The following CSMD1 variants were observed in gnomAD, a reference collection of about 807,000 sequenced individuals.
CSMD1 encodes CUB and Sushi multiple domains 1, also known as CUB and sushi domain-containing protein 1.
CSMD1 carries 213 observed loss-of-function variants against 417.5 expected under a neutral mutation model. That is an observed-to-expected ratio of 0.51 (90% CI 0.46 to 0.57). CSMD1 has a LOEUF of 0.57. CSMD1 is among the 20% of genes least tolerant of loss of function. CSMD1 has a pLI of 0.00. For synonymous variants in CSMD1, 2,862 were observed against 1,736.8 expected (o/e 1.65, Z -16.11); for missense variants, 6,923 against 4,529.7 (o/e 1.53, Z -15.17).
chr8:4,787,766 T>A (rs1392519339), intron 1 of CSMD1: 2 of 1,582,494 alleles, frequency 1.3e-6, no homozygotes, highest in South Asian at 1.1e-5. Flanking sequence ...AAATTTTGCT[T>A]CGCTGGACTT....
chr8:4,451,461 G>C (rs114112455), intron 2 of CSMD1, among the ~76,000 whole-genome samples: 182 of 152,230 alleles, frequency 1.2e-3, no homozygotes, highest in African/African-American at 4.0e-3. Flanking sequence ...CTCTCATCAA[G>C]TCCCACTCTC....
At chr8:3,992,644 A>G (rs1293515137) in intron 5 of CSMD1, among the ~76,000 whole-genome samples, 1 of 152,140 alleles carries the variant, frequency 6.6e-6, no homozygotes. Flanking sequence ...AAAATTAGCC[A>G]GGGTTCTGCA....
intron 1 of CSMD1, among the ~76,000 whole-genome samples, chr8:4,694,198 G>T (rs1337777417): frequency 2.0e-5 from 3 of 152,142 alleles, no homozygotes; most frequent in Non-Finnish European, 4.4e-5. Flanking sequence ...TGAAATAAAT[G>T]CGTATCTGAT....
At chr8:3,959,732 C>T (rs746172439) in intron 5 of CSMD1, among the ~76,000 whole-genome samples, 1 of 152,144 alleles carries the variant, frequency 6.6e-6, no homozygotes, top group Admixed American at 6.6e-5. Context: ...TTTGAAACTG[C>T]AGCGGGAACA....
At chr8:3,845,808 T>G (rs887567630) in intron 5 of CSMD1, among the ~76,000 whole-genome samples, 8 of 152,162 alleles carry the variant, frequency 5.3e-5, no homozygotes, top group African/African-American at 1.9e-4. Flanking sequence ...TATATTTTTA[T>G]TCTATGTGCT....
At chr8:3,933,939 G>A (rs1454783816) in intron 5 of CSMD1, among the ~76,000 whole-genome samples, 1 of 152,038 alleles carries the variant, frequency 6.6e-6, no homozygotes, top group Non-Finnish European at 1.5e-5. Context: ...TGAAAAACCA[G>A]CCAGGGACCT....
At chr8:2,985,811 C>G (rs1253854805) in intron 54 of CSMD1, among the ~76,000 whole-genome samples, 2 of 151,884 alleles carry the variant, frequency 1.3e-5, no homozygotes, top group African/African-American at 4.8e-5. Context: ...CTGGTACTTT[C>G]AATTTATTCT....
chr8:4,537,757 T>G (rs898993764), intron 2 of CSMD1, among the ~76,000 whole-genome samples: 1 of 152,298 alleles, frequency 6.6e-6, no homozygotes, highest in East Asian at 1.9e-4. Flanking sequence ...AAGACCTACC[T>G]GGCCTCGAAT....
At chr8:2,943,334 T>G (rs555437838) in intron 68 of CSMD1, among the ~76,000 whole-genome samples, 1 of 152,160 alleles carries the variant, frequency 6.6e-6, no homozygotes, top group South Asian at 2.1e-4. Flanking sequence ...TTCTAGTGAT[T>G]CTCCTGCCTC....
intron 10 of CSMD1, among the ~76,000 whole-genome samples, chr8:3,530,940 C>T (rs1797954724): frequency 6.6e-6 from 1 of 151,920 alleles, no homozygotes; most frequent in Admixed American, 6.6e-5. Flanking sequence ...GCAACCTCCA[C>T]CTCCCAGGTT....
Position 3,852,682 on chromosome 8 carries a change from G to A in CSMD1, c.819-98640C>T, listed in dbSNP as rs558305505. Reference sequence around the variant, plus strand: ...CAGGCCAAGATGAATGGTGATGGGGGTGGGGAGGAGCCTTTGGAGGCTGTG... The same window carrying A: ...CAGGCCAAGATGAATGGTGATGGGGATGGGGAGGAGCCTTTGGAGGCTGTG... On this transcript the variant is annotated intron_variant, in intron 5 of 69. Coordinates refer to ENST00000635120, the MANE Select transcript of CSMD1 (RefSeq NM_033225.6). Among the ~76,000 whole-genome samples the A allele has an allele frequency of 2.7e-3, 409 of 152,140 alleles. 3 individuals carry two copies. Among genetic ancestry groups the A allele is most frequent in the Non-Finnish European group, 2.8e-3 (193 of 67,998 alleles).
At chr8:4,473,838 C>G (rs943276050) in intron 2 of CSMD1, among the ~76,000 whole-genome samples, 1 of 151,946 alleles carries the variant, frequency 6.6e-6, no homozygotes, top group Non-Finnish European at 1.5e-5. Flanking sequence ...AATAGGAACA[C>G]GCAAATGATC....
intron 10 of CSMD1, among the ~76,000 whole-genome samples, chr8:3,553,511 A>G (rs914023440): frequency 6.6e-6 from 1 of 152,204 alleles, no homozygotes; most frequent in Non-Finnish European, 1.5e-5. Flanking sequence ...CAAATCAACC[A>G]TACTGTAGAA....
At chr8:3,724,563 C>T (rs961210558) in intron 6 of CSMD1, among the ~76,000 whole-genome samples, 1 of 152,062 alleles carries the variant, frequency 6.6e-6, no homozygotes, top group South Asian at 2.1e-4. Context: ...TCTGAGCACC[C>T]TTCCTCTGGG....
intron 5 of CSMD1, among the ~76,000 whole-genome samples, chr8:3,826,147 T>C (rs1216857280): frequency 1.3e-5 from 2 of 152,034 alleles, no homozygotes; most frequent in Non-Finnish European, 1.5e-5. Context: ...TGCGAATGAA[T>C]ACATCAAAGT....
intron 25 of CSMD1, among the ~76,000 whole-genome samples, chr8:3,301,513 GATA>G (rs1176853249): frequency 1.3e-5 from 2 of 152,142 alleles, no homozygotes; most frequent in African/African-American, 4.8e-5. Context: ...TTCTGGATGG[GATA>G]ATAAAAATGA....
Position 3,307,800 on chromosome 8 carries a change from T to A in CSMD1, c.3845A>T (p.His1282Leu). 6.2e-7 allele frequency: 1 copy of A among 1,613,572 alleles called. No individual in the cohort carries two copies. The highest frequency in any genetic ancestry group is 8.5e-7 in the Non-Finnish European group (1 of 1,179,608). ...SCIAECGGQI[H>L]AATSGRILSP... is the part of the protein sequence containing the mutation. ...CAATATTCGTCCTGATGTGGCTGCA[T>A]GGATCTGACCACCACATTCCGCTGT... Residue 1282 changes from histidine to leucine, a missense_variant, in exon 25 of 70, where the codon CAT becomes CTT. Transcript: ENST00000635120.
At chr8:4,732,456 G>C (rs1055954374) in intron 1 of CSMD1, among the ~76,000 whole-genome samples, 1 of 151,568 alleles carries the variant, frequency 6.6e-6, no homozygotes, top group Non-Finnish European at 1.5e-5. Flanking sequence ...AAGTGCTTAA[G>C]AACAAGAATT....
chr8:4,840,676 G>A (rs963431166), intron 1 of CSMD1, among the ~76,000 whole-genome samples: 9 of 152,184 alleles, frequency 5.9e-5, no homozygotes, highest in African/African-American at 2.2e-4. Flanking sequence ...AAAGGTGCCT[G>A]TTATTACTCA....
Sources: allele counts gnomAD v4.1 joint callset (sites outside exome capture counted in the v4.1 genomes callset), GRCh38; gene constraint gnomAD v4.1.1; transcripts MANE v1.5; gene names NCBI Gene and HGNC (gene_info 2026-07-23, HGNC 2026-07-21).